Variants in EFCC1 observed in about 807,000 individuals in gnomAD.
EFCC1 encodes the protein EF-hand and coiled-coil domain-containing protein 1.
EFCC1 carries 50 observed loss-of-function variants against 52.1 expected under a neutral mutation model. The observed-to-expected ratio is 0.96, with a 90% confidence interval of 0.76 to 1.21. The LOEUF (loss-of-function observed/expected upper bound fraction) is 1.21. Among genes scored for constraint, EFCC1 ranks in the 50% most tolerant of loss-of-function variants. The pLI, the probability that EFCC1 is intolerant of heterozygous loss-of-function variation, is 0.00. For missense variants in EFCC1, 837 were observed against 867.3 expected, an observed-to-expected ratio of 0.97 and a Z score of 0.44; for synonymous variants, 399 against 396.5, an observed-to-expected ratio of 1.01 and a Z score of -0.08.
In EFCC1 at chr3:129,030,816, C is replaced by T; in HGVS notation, c.1094C>T (p.Ala365Val). The change falls in exon 3 of 8, where the codon GCC becomes GTC. Residue 365 changes from alanine to valine, a missense_variant. By Grantham distance (64) the Ala-to-Val change is moderately conservative. Transcript: ENST00000683648. ...TRDPDPTPEG[A>V]WQSDSSSGSR... ...GACCCAGACCCCACTCCAGAGGGAGCCTGGCAGTCAGACAGCAGCTCTGGA... is the reference window on the plus strand; with the variant it reads ...GACCCAGACCCCACTCCAGAGGGAGTCTGGCAGTCAGACAGCAGCTCTGGA... The T allele has an allele frequency of 1.9e-6, 3 of 1,551,470 alleles. No homozygotes were observed. The highest frequency in any genetic ancestry group is 2.6e-6 in the Non-Finnish European group (3 of 1,146,848).
chr3:129,015,192 T>G (rs1945517236), intron 2 of EFCC1, among the ~76,000 whole-genome samples: 1 of 152,186 alleles, frequency 6.6e-6, no homozygotes, highest in African/African-American at 2.4e-5. Flanking sequence ...GCAGCCACAC[T>G]GACCCTCCAG....
chr3:129,026,544 T>C (rs562424909), intron 2 of EFCC1, among the ~76,000 whole-genome samples: 2 of 152,322 alleles, frequency 1.3e-5, no homozygotes, highest in South Asian at 4.1e-4. Context: ...GCGAGAAAGT[T>C]GTTCCTCCCA....
At chr3:129,015,703 G>T (rs1441649734) in intron 2 of EFCC1, among the ~76,000 whole-genome samples, 1 of 152,170 alleles carries the variant, frequency 6.6e-6, no homozygotes, top group African/African-American at 2.4e-5. Context: ...GACCAGAGAG[G>T]AGTCACAGAG....
chr3:129,015,422 G>A (rs77838419), intron 2 of EFCC1, among the ~76,000 whole-genome samples: 5,437 of 152,156 alleles, frequency 0.036, 290 homozygotes, highest in African/African-American at 0.12. Context: ...GCTCCTTCGG[G>A]GGGGGAGGTT....
rs994181271 is a variant in EFCC1, at chr3:129,014,946, C to G, written c.980+10869C>G. ...CTCAGCTCCAAGTGGCTCAGACCCA[C>G]CTGCTACTCTCCAGTCGCACCCACC... On this transcript the variant is annotated intron_variant, in intron 2 of 7. Transcript: ENST00000683648. The surrounding 1 kb of genome is among the most constrained non-coding windows in gnomAD (Gnocchi z 4.3). Among the ~76,000 whole-genome samples the G allele has an allele frequency of 6.6e-6, 1 of 152,126 alleles. No individual in the cohort carries two copies. The highest frequency in any genetic ancestry group is 2.4e-5 in the African/African-American group (1 of 41,396).
chr3:129,015,574 C>T (rs892672422), intron 2 of EFCC1, among the ~76,000 whole-genome samples: 3 of 110,164 alleles, frequency 2.7e-5, no homozygotes, highest in African/African-American at 1.1e-4. Flanking sequence ...CCCAGGCTGA[C>T]ACCCTGCACG....
At chr3:129,020,681 G>A (rs1945799003) in intron 2 of EFCC1, among the ~76,000 whole-genome samples, 1 of 152,136 alleles carries the variant, frequency 6.6e-6, no homozygotes, top group Non-Finnish European at 1.5e-5. Flanking sequence ...TCTCAAAGAG[G>A]TGAAAGACTT....
In EFCC1 at chr3:129,039,774, C is replaced by G; in HGVS notation, c.1726C>G (p.Leu576Val). 6.2e-7 allele frequency: 1 copy of G among 1,612,372 alleles called. No individual in the cohort carries two copies. The highest frequency in any genetic ancestry group is 8.5e-7 in the Non-Finnish European group (1 of 1,179,000). ...ALHQALAACQ[L>V]LRRQPSAPAS... ...GCACCAAGCCTTGGCTGCCTGCCAGCTGTTGCGGAGACAGCCCTCGGCACC... is the reference window on the plus strand; with the variant it reads ...GCACCAAGCCTTGGCTGCCTGCCAGGTGTTGCGGAGACAGCCCTCGGCACC... Residue 576 changes from leucine to valine, a missense_variant, in exon 8 of 8, where the codon CTG becomes GTG. By Grantham distance (32) the Leu-to-Val change is conservative. Coordinates refer to ENST00000683648, the MANE Select transcript of EFCC1 (RefSeq NM_001377500.1).
chr3:129,024,789 C>T (rs902917222), intron 2 of EFCC1, among the ~76,000 whole-genome samples: 1 of 151,348 alleles, frequency 6.6e-6, no homozygotes, highest in Non-Finnish European at 1.5e-5. Context: ...GGCCCCACCT[C>T]TCTACACTGT....
At chr3:129,002,890 C>T (rs1488883695) in intron 1 of EFCC1, among the ~76,000 whole-genome samples, 1 of 152,170 alleles carries the variant, frequency 6.6e-6, no homozygotes, top group African/African-American at 2.4e-5. Flanking sequence ...ACTCACGGGC[C>T]ACCAAGTGCC....
chr3:129,027,160 A>G (rs1263636437), intron 2 of EFCC1, among the ~76,000 whole-genome samples: 3 of 151,736 alleles, frequency 2.0e-5, no homozygotes, highest in Non-Finnish European at 4.4e-5. Context: ...ACGCCTGCAG[A>G]CGCTCCTTGT....
chr3:129,033,894 C>CG (rs1483704957), intron 4 of EFCC1, among the ~76,000 whole-genome samples: 1 of 152,232 alleles, frequency 6.6e-6, no homozygotes, highest in Non-Finnish European at 1.5e-5. Flanking sequence ...GGCATGTTGG[C>CG]GGGACCGCCA....
intron 1 of EFCC1, 118 bp from the exon 2 acceptor site, chr3:129,003,676 A>G: frequency 3.9e-6 from 4 of 1,036,932 alleles, no homozygotes; most frequent in Non-Finnish European, 4.9e-6. Context: ...AGACGGCGCA[A>G]GAAACGTGCT....
At chr3:129,033,347 A>T (rs557890819) in intron 4 of EFCC1, among the ~76,000 whole-genome samples, 2 of 151,992 alleles carry the variant, frequency 1.3e-5, no homozygotes, top group South Asian at 4.2e-4. Flanking sequence ...TCCCTGTTTC[A>T]TCCTCACCTC....
chr3:129,024,558 G>C (rs1364942804), intron 2 of EFCC1, among the ~76,000 whole-genome samples: 1 of 151,714 alleles, frequency 6.6e-6, no homozygotes, highest in Non-Finnish European at 1.5e-5. Context: ...AAAAGAAAAA[G>C]AAAAACAGAA....
chr3:129,019,257 G>GT lies in EFCC1; in HGVS notation c.981-11445dup, dbSNP rs559180335. Among the ~76,000 whole-genome samples, 733 of 152,306 alleles carry GT rather than the reference G, an allele frequency of 4.8e-3. 8 individuals carry two copies. The highest frequency in any genetic ancestry group is 0.017 in the African/African-American group (696 of 41,564). ...TGCTGGATATTCTTTTGTTTTAATT[G>GT]TATCTTTTAGGTGTTCAGTCCACCT... On this transcript the variant is annotated intron_variant, in intron 2 of 7. Coordinates refer to ENST00000683648, the MANE Select transcript of EFCC1 (RefSeq NM_001377500.1).
At position 129,014,455 on chromosome 3, in the gene EFCC1, C is replaced by G. The variant is rs1244386612; in HGVS notation, c.980+10378C>G. ...CAGGGCCGCCTTCTCCCTGTATCCTCGCGTGGTCTTCCTTCTGTGTGTATT... is the reference window on the plus strand; with the variant it reads ...CAGGGCCGCCTTCTCCCTGTATCCTGGCGTGGTCTTCCTTCTGTGTGTATT... On this transcript the variant is annotated intron_variant, in intron 2 of 7. Coordinates refer to ENST00000683648, the MANE Select transcript of EFCC1 (RefSeq NM_001377500.1). This position sits in a 1 kb window ranked among gnomAD's most constrained non-coding sequence, Gnocchi z 4.3. Among the ~76,000 whole-genome samples, 1 of 152,234 alleles carries G rather than the reference C, an allele frequency of 6.6e-6. No homozygotes were observed. The highest frequency in any genetic ancestry group is 1.5e-5 in the Non-Finnish European group (1 of 68,042).
intron 3 of EFCC1, 106 bp from the exon 4 acceptor site, chr3:129,032,713 T>C: frequency 3.5e-6 from 5 of 1,441,572 alleles, no homozygotes; most frequent in Non-Finnish European, 4.6e-6. Context: ...AGAGGGGACA[T>C]GGCACAAGAG....
rs1350621531 is a variant in EFCC1 at position 129,010,043 on chromosome 3, A to C, written c.980+5966A>C. 6.6e-6 allele frequency among the ~76,000 whole-genome samples: 1 copy of C among 152,232 alleles called. No homozygotes were observed. Among genetic ancestry groups the C allele is most frequent in the African/African-American group, 2.4e-5 (1 of 41,460 alleles). On this transcript the variant is annotated intron_variant, in intron 2 of 7. Coordinates refer to ENST00000683648, the MANE Select transcript of EFCC1 (RefSeq NM_001377500.1). This position sits in a 1 kb window ranked among gnomAD's most constrained non-coding sequence, Gnocchi z 4.3. Reference sequence around the variant, plus strand: ...CCCAGCCCAGCCTTGGCACACAGTAAGATGTGTGTGGACACACGAATGGAC... The same window carrying C: ...CCCAGCCCAGCCTTGGCACACAGTACGATGTGTGTGGACACACGAATGGAC...
Sources: allele counts gnomAD v4.1 joint callset (sites outside exome capture counted in the v4.1 genomes callset), GRCh38; gene constraint gnomAD v4.1.1; non-coding constraint Gnocchi (gnomAD v3.1); transcripts MANE v1.5; gene names NCBI Gene and HGNC (gene_info 2026-07-23, HGNC 2026-07-21).